The following FSTL5 variants were observed in gnomAD, a reference collection of about 807,000 sequenced individuals.
The protein encoded by FSTL5 is follistatin like 5.
Under a neutral mutation model 89.1 loss-of-function variants are expected in FSTL5, and 62 were observed. The observed-to-expected ratio is 0.70, with a 90% CI of 0.57 to 0.86. The LOEUF is 0.86. Among genes scored for constraint, FSTL5 ranks in the 40% least tolerant of loss-of-function variants. The pLI, the probability that FSTL5 is intolerant of heterozygous loss-of-function variation, is 0.00. For synonymous variants in FSTL5, 383 were observed against 346.2 expected (o/e 1.11, Z -1.18); for missense variants, 1,057 against 1,001.6 (o/e 1.06, Z -0.75).
At chr4:161,424,894 C>T (rs1429814545) in intron 15 of FSTL5, among the ~76,000 whole-genome samples, 1 of 152,324 alleles carries the variant, frequency 6.6e-6, no homozygotes, top group African/African-American at 2.4e-5. Context: ...TCTGCTTTAA[C>T]CCTTCAAAGA....
intron 6 of FSTL5, among the ~76,000 whole-genome samples, chr4:161,682,471 T>G (rs1041568084): frequency 1.3e-5 from 2 of 152,218 alleles, no homozygotes; most frequent in African/African-American, 4.8e-5. Flanking sequence ...CTTTATATCT[T>G]TAACCTATAA....
At chr4:161,553,834 A>G (rs1285942566) in intron 8 of FSTL5, among the ~76,000 whole-genome samples, 1 of 151,554 alleles carries the variant, frequency 6.6e-6, no homozygotes, top group African/African-American at 2.4e-5. Flanking sequence ...AGCAGTATTA[A>G]TAATGCATCT....
intron 7 of FSTL5, among the ~76,000 whole-genome samples, chr4:161,624,652 A>C (rs1039158158): frequency 3.9e-5 from 6 of 152,012 alleles, no homozygotes; most frequent in Admixed American, 1.3e-4. Flanking sequence ...CTCCATTTCA[A>C]AATAGAAAAC....
At chr4:161,842,300 A>G (rs577727760) in intron 4 of FSTL5, among the ~76,000 whole-genome samples, 27 of 152,266 alleles carry the variant, frequency 1.8e-4, no homozygotes, top group Non-Finnish European at 3.2e-4. Flanking sequence ...TTTTACAGTT[A>G]TAGCAAACTA....
At chr4:161,671,082 C>T (rs959030230) in intron 6 of FSTL5, among the ~76,000 whole-genome samples, 6 of 152,148 alleles carry the variant, frequency 3.9e-5, no homozygotes, top group African/African-American at 1.4e-4. Context: ...ATGAATTGCC[C>T]TTTTCAACTC....
chr4:161,469,608 C>T (rs1733864868), intron 13 of FSTL5, among the ~76,000 whole-genome samples: 1 of 150,628 alleles, frequency 6.6e-6, no homozygotes, highest in Non-Finnish European at 1.5e-5. Flanking sequence ...TGAAAAATGT[C>T]TATTGAAGTT....
chr4:161,752,333 C>A (rs1035236742), intron 6 of FSTL5, among the ~76,000 whole-genome samples: 3 of 152,116 alleles, frequency 2.0e-5, no homozygotes, highest in Non-Finnish European at 4.4e-5. Flanking sequence ...TTTCCTTTCT[C>A]GCAAAGGCTA....
chr4:161,897,588 A>G (rs1579176819), intron 4 of FSTL5, among the ~76,000 whole-genome samples: 2 of 151,128 alleles, frequency 1.3e-5, no homozygotes, highest in South Asian at 2.1e-4. Context: ...AAAAAAAAAA[A>G]AAAAAAGAAA....
At chr4:161,673,586 T>C (rs1737193804) in intron 6 of FSTL5, among the ~76,000 whole-genome samples, 1 of 151,946 alleles carries the variant, frequency 6.6e-6, no homozygotes, top group Non-Finnish European at 1.5e-5. Context: ...AAAGAATGAG[T>C]ACAACTCACA....
intron 4 of FSTL5, among the ~76,000 whole-genome samples, chr4:161,846,113 G>A (rs551837905): frequency 2.6e-5 from 4 of 151,686 alleles, no homozygotes; most frequent in East Asian, 1.9e-4. Flanking sequence ...GTGTGTGCAC[G>A]CACAAGTATG....
At chr4:161,522,990 A>G (rs1223834907) in intron 10 of FSTL5, among the ~76,000 whole-genome samples, 1 of 152,154 alleles carries the variant, frequency 6.6e-6, no homozygotes, top group Non-Finnish European at 1.5e-5. Context: ...CAAAGGAATA[A>G]TAGCAATAAT....
rs1240665409 is a variant in FSTL5 at position 161,694,894 on chromosome 4, A to C, written c.728-38400T>G. On this transcript the variant is annotated intron_variant, in intron 6 of 15. Transcript: ENST00000306100. ...GATGTAGTATTCCCTGTCACATGTA[A>C]TCACTGAAGTCTTTATTCAATTATC... Among the ~76,000 whole-genome samples the C allele has an allele frequency of 6.3e-5, 9 of 142,196 alleles. No homozygotes were observed. The Admixed American group carries it at 6.6e-4, about 10-fold the overall frequency. 93.3% of individuals were successfully genotyped at this position (142,196 alleles called of 152,430 possible).
intron 7 of FSTL5, among the ~76,000 whole-genome samples, chr4:161,610,240 T>C (rs1386252812): frequency 6.6e-6 from 1 of 152,128 alleles, no homozygotes; most frequent in Non-Finnish European, 1.5e-5. Flanking sequence ...CTACAATCAA[T>C]CATGTTGCAC....
intron 4 of FSTL5, among the ~76,000 whole-genome samples, chr4:161,823,636 C>A (rs1048206944): frequency 3.3e-5 from 5 of 152,164 alleles, no homozygotes; most frequent in Admixed American, 3.3e-4. Context: ...TGTGTGGCTG[C>A]AACTGTGCTG....
intron 7 of FSTL5, among the ~76,000 whole-genome samples, chr4:161,596,338 G>C (rs554882204): frequency 1.3e-5 from 2 of 151,822 alleles, no homozygotes; most frequent in African/African-American, 4.8e-5. Context: ...CAATAGAAAA[G>C]AAATGTCAAC....
chr4:161,783,518 T>C (rs1041120101), intron 4 of FSTL5, among the ~76,000 whole-genome samples: 2 of 150,686 alleles, frequency 1.3e-5, no homozygotes. Flanking sequence ...CAGTGCATTA[T>C]GTCTTCTTTC....
At chr4:161,647,906 CAGCT>C (rs1736205629) in intron 7 of FSTL5, among the ~76,000 whole-genome samples, 1 of 152,110 alleles carries the variant, frequency 6.6e-6, no homozygotes, top group Admixed American at 6.5e-5. Context: ...GACACACAGG[CAGCT>C]GGACGTCGAG....
At chr4:161,949,197 G>T (rs1484210789) in intron 3 of FSTL5, among the ~76,000 whole-genome samples, 1 of 152,028 alleles carries the variant, frequency 6.6e-6, no homozygotes, top group Non-Finnish European at 1.5e-5. Flanking sequence ...TCCTTTGGCT[G>T]TCATTCTCTT....
At chr4:162,063,593 G>A (rs1044428345) in intron 2 of FSTL5, among the ~76,000 whole-genome samples, 1 of 151,772 alleles carries the variant, frequency 6.6e-6, no homozygotes, top group Non-Finnish European at 1.5e-5. Flanking sequence ...TATTATATAT[G>A]AGAATATGCT....
Sources: gnomAD v4.1 joint callset for allele counts (sites outside exome capture counted in the v4.1 genomes callset) on GRCh38, gnomAD v4.1.1 for gene constraint, MANE v1.5 for transcripts, NCBI Gene and HGNC (gene_info 2026-07-23, HGNC 2026-07-21) for gene names.